Variants in COL5A2 observed in about 807,000 individuals in gnomAD.
COL5A2 encodes collagen alpha-2(V) chain.
A neutral mutation model predicts 208.2 loss-of-function variants in COL5A2; 23 were observed. The ratio of observed to expected loss-of-function variants is 0.11; its 90% confidence interval spans 0.08 to 0.16. The LOEUF (loss-of-function observed/expected upper bound fraction) is 0.16, where lower values mean the gene tolerates loss of function less well. Ranked by LOEUF, COL5A2 falls within the 10% of genes least tolerant of loss-of-function variation. The pLI, the probability that COL5A2 is intolerant of heterozygous loss-of-function variation, is 1.00. For synonymous variants in COL5A2, 625 were observed against 628.5 expected, an observed-to-expected ratio of 0.99 and a Z score of 0.08; for missense variants, 1,590 against 1,956.4, an observed-to-expected ratio of 0.81 and a Z score of 3.53.
the COL5A2 span, among the ~76,000 whole-genome samples, chr2:189,285,965 C>G: frequency 7.9e-5 from 12 of 151,894 alleles, no homozygotes. Context: ...ATCATAATAT[C>G]ACATTTGACA....
At chr2:189,203,971 C>T (rs1022549118) in intron 1 of COL5A2, among the ~76,000 whole-genome samples, 3 of 151,816 alleles carry the variant, frequency 2.0e-5, no homozygotes, top group Non-Finnish European at 2.9e-5. Context: ...CATCTCGGCT[C>T]ACTGCAAGCT....
At chr2:189,350,050 C>A in the COL5A2 span, among the ~76,000 whole-genome samples, 2 of 152,012 alleles carry the variant, frequency 1.3e-5, no homozygotes, top group Admixed American at 6.6e-5. Flanking sequence ...AATATTTATT[C>A]TTCACTTATC....
intron 1 of COL5A2, among the ~76,000 whole-genome samples, chr2:189,218,451 A>G (rs184914067): frequency 1.9e-4 from 29 of 152,268 alleles, no homozygotes; most frequent in Non-Finnish European, 4.4e-5. Context: ...AGCTGGGAAG[A>G]GGCAAAGAAC....
intron 2 of COL5A2, among the ~76,000 whole-genome samples, chr2:189,107,952 A>G (rs1289635774): frequency 6.6e-6 from 1 of 151,622 alleles, no homozygotes; most frequent in East Asian, 1.9e-4. Flanking sequence ...TAACAAGGAA[A>G]TGTTCTTTTT....
the COL5A2 span, among the ~76,000 whole-genome samples, chr2:189,308,470 CA>C: frequency 0.15 from 22,545 of 152,068 alleles, 1,979 homozygotes; most frequent in South Asian, 0.21. Context: ...AATGGCCCTG[CA>C]AAGCTATCTC....
chr2:189,327,070 C>T, the COL5A2 span, among the ~76,000 whole-genome samples: 1 of 129,246 alleles, frequency 7.7e-6, no homozygotes, highest in South Asian at 2.5e-4. Flanking sequence ...GATTCTGTCT[C>T]GAAATAATAA....
Position 189,034,110 on chromosome 2 carries a change from T to C in COL5A2, c.4460A>G (p.Gln1487Arg). 6.2e-7 allele frequency: 1 copy of C among 1,614,072 alleles called. No homozygotes were observed. The stretch of plus-strand genomic sequence containing the variant: ...TGGCCCAATTTCAACGCCGAATTCC[T>C]GGTCTGTGCCGCCAACATCCACAGG... ...LAPVDVGGTD[Q>R]EFGVEIGPVC... Residue 1487 changes from glutamine to arginine, a missense_variant, in exon 54 of 54, where the codon CAG (glutamine) becomes CGG (arginine). By Grantham distance (43) the Gln-to-Arg change is conservative. Coordinates refer to ENST00000374866, the MANE Select transcript of COL5A2 (RefSeq NM_000393.5).
rs769942620 is a variant in COL5A2 at position 189,085,230 on chromosome 2, AC to A, written c.745-18del. On this transcript the variant is annotated intron_variant, in intron 10 of 53. Transcript: ENST00000374866. The stretch of plus-strand genomic sequence containing the variant: ...AATCGGACCCTAATAACAGAACAAA[AC>A]AAAAGGAAAAAAAGAATATTTACCT... 2 of 1,603,270 alleles carry A rather than the reference AC, an allele frequency of 1.2e-6. No individual in the cohort carries two copies. Among genetic ancestry groups the A allele is most frequent in the South Asian group, 2.2e-5 (2 of 89,326 alleles).
At chr2:189,072,124 C>T (rs753248644) in intron 17 of COL5A2, 31 bp from the exon 18 acceptor site, 20 of 1,516,238 alleles carry the variant, frequency 1.3e-5, no homozygotes, top group Admixed American at 8.5e-5. Context: ...AGTAATCAGA[C>T]ATGTATTCAA....
At chr2:189,080,874 C>T (rs1559094383) in intron 13 of COL5A2, 116 bp downstream of exon 13, 1 of 848,856 alleles carries the variant, frequency 1.2e-6, no homozygotes, top group African/African-American at 1.7e-5. Flanking sequence ...ATACTGCAAC[C>T]ATAGACAGTT....
intron 1 of COL5A2, among the ~76,000 whole-genome samples, chr2:189,150,606 C>A (rs766230642): frequency 2.0e-5 from 3 of 152,062 alleles, no homozygotes; most frequent in Non-Finnish European, 4.4e-5. Flanking sequence ...GCTTGGATTT[C>A]TTGATATAAC....
chr2:189,281,889 T>C, the COL5A2 span, among the ~76,000 whole-genome samples: 1 of 152,162 alleles, frequency 6.6e-6, no homozygotes, highest in African/African-American at 2.4e-5. Flanking sequence ...AACACATTAA[T>C]ATTCCCATTA....
the COL5A2 span, among the ~76,000 whole-genome samples, chr2:189,351,308 T>C: frequency 2.0e-5 from 3 of 152,334 alleles, no homozygotes; most frequent in Admixed American, 2.0e-4. Context: ...GTACACGTAT[T>C]CACAATGAAG....
At chr2:189,205,495 G>C (rs1246870088) in intron 1 of COL5A2, among the ~76,000 whole-genome samples, 1 of 152,136 alleles carries the variant, frequency 6.6e-6, no homozygotes, top group Admixed American at 6.5e-5. Context: ...GCAAAATAAT[G>C]GAACTGAATG....
At chr2:189,040,669 T>C (rs994608958) in intron 50 of COL5A2, among the ~76,000 whole-genome samples, 4 of 151,656 alleles carry the variant, frequency 2.6e-5, no homozygotes, top group Admixed American at 2.0e-4. Flanking sequence ...TTTTTTTTTC[T>C]TCCTGTCTCT....
At chr2:189,325,321 AAAAT>A in the COL5A2 span, among the ~76,000 whole-genome samples, 2,559 of 111,090 alleles carry the variant, frequency 0.023, 77 homozygotes, top group African/African-American at 0.067. Context: ...ATAATAAAAA[AAAAT>A]ATATATATAT....
chr2:189,182,209 C>T (rs902776603), upstream of COL5A2, among the ~76,000 whole-genome samples: 18 of 152,184 alleles, frequency 1.2e-4, no homozygotes, highest in Non-Finnish European at 1.5e-5. Flanking sequence ...ATAGACCTCA[C>T]TGCTGCAGTG....
chr2:189,132,562 C>T (rs1287321284), intron 1 of COL5A2, among the ~76,000 whole-genome samples: 3 of 152,114 alleles, frequency 2.0e-5, no homozygotes, highest in African/African-American at 7.2e-5. Flanking sequence ...AACCAAATCA[C>T]AATGTATAAG....
intron 1 of COL5A2, among the ~76,000 whole-genome samples, chr2:189,207,895 C>T (rs559252379): frequency 2.8e-4 from 43 of 152,228 alleles, no homozygotes; most frequent in Non-Finnish European, 4.9e-4. Flanking sequence ...TGTTTCTGAT[C>T]GCTACTCTTG....
Sources: gnomAD v4.1 joint callset for allele counts (sites outside exome capture counted in the v4.1 genomes callset) on GRCh38, gnomAD v4.1.1 for gene constraint, MANE v1.5 for transcripts, NCBI Gene and HGNC (gene_info 2026-07-23, HGNC 2026-07-21) for gene names.